TOP2B: variants seen among roughly 807,000 people sequenced by gnomAD.
TOP2B encodes the protein DNA topoisomerase II beta, also known as DNA topoisomerase 2-beta.
A neutral mutation model predicts 193.5 loss-of-function variants in TOP2B; 51 were observed. The observed-to-expected ratio is 0.26, with a 90% CI of 0.21 to 0.33. The LOEUF is 0.33. Among genes scored for constraint, TOP2B ranks in the 10% least tolerant of loss-of-function variants. TOP2B has a pLI of 1.00. For synonymous variants in TOP2B, 634 were observed against 635.7 expected (o/e 1.00, Z 0.04); for missense variants, 1,378 against 1,909.3 (o/e 0.72, Z 5.19).
In TOP2B at chr3:25,599,532, T is replaced by TA; in HGVS notation, c.4616-4dup. On this transcript the variant is annotated splice_region_variant and splice_polypyrimidine_tract_variant and intron_variant, in intron 34 of 35. Transcript: ENST00000264331. ...TTTCTTTGCCCCTCGGCCTTTACCT[T>TA]AAAATGATACAAAAGGTTTTTTCTT... is the stretch of plus-strand genomic sequence containing the variant. 1 of 1,609,764 alleles carries TA rather than the reference T, an allele frequency of 6.2e-7. No individual in the cohort carries two copies. Among genetic ancestry groups the TA allele is most frequent in the Non-Finnish European group, 8.5e-7 (1 of 1,177,802 alleles).
At chr3:25,645,794 C>CT (rs1282901181) in intron 1 of TOP2B, among the ~76,000 whole-genome samples, 1 of 152,144 alleles carries the variant, frequency 6.6e-6, no homozygotes, top group African/African-American at 2.4e-5. Flanking sequence ...GAGTCTTGCT[C>CT]TGTCACCCAG....
At chr3:25,613,631 G>A (rs1241079008) in intron 27 of TOP2B, among the ~76,000 whole-genome samples, 1 of 152,056 alleles carries the variant, frequency 6.6e-6, no homozygotes, top group Non-Finnish European at 1.5e-5. Flanking sequence ...AGGAGACTAA[G>A]GTAGGAGGAC....
rs185438277 is a variant in TOP2B, at chr3:25,617,384, C to T, written c.3351+1034G>A. Among the ~76,000 whole-genome samples, 57 of 152,238 alleles carry T rather than the reference C, an allele frequency of 3.7e-4. 1 individual carries two copies. The East Asian group carries it at 0.011, about 29-fold the overall frequency. ...CGCCCATCTTGTCCTACCGAATTTTCTTCAAATAATGAATAAGCCTATTAT... is the reference window on the plus strand; with the variant it reads ...CGCCCATCTTGTCCTACCGAATTTTTTTCAAATAATGAATAAGCCTATTAT... On this transcript the variant is annotated intron_variant, in intron 25 of 35. Transcript: ENST00000264331.
intron 23 of TOP2B, 122 bp from the exon 24 acceptor site, chr3:25,618,971 G>C: frequency 1.5e-6 from 1 of 651,778 alleles, no homozygotes; most frequent in Non-Finnish European, 2.4e-6. Flanking sequence ...TGTGAACACA[G>C]ACTACCCCTA....
At chr3:25,659,929 T>C (rs750535012) in intron 1 of TOP2B, among the ~76,000 whole-genome samples, 6 of 152,212 alleles carry the variant, frequency 3.9e-5, no homozygotes, top group Non-Finnish European at 7.4e-5. Context: ...TCTAAACCCG[T>C]TTCCTTCTCT....
chr3:25,662,566 G>A (rs1444559315), intron 1 of TOP2B, among the ~76,000 whole-genome samples: 1 of 151,948 alleles, frequency 6.6e-6, no homozygotes, highest in Non-Finnish European at 1.5e-5. Flanking sequence ...TAATCAATAA[G>A]TCAATTTCAG....
At chr3:25,652,320 T>C (rs913818104) in intron 1 of TOP2B, among the ~76,000 whole-genome samples, 8 of 152,084 alleles carry the variant, frequency 5.3e-5, no homozygotes, top group African/African-American at 1.7e-4. Flanking sequence ...TATAGACCAA[T>C]TGGACCTAAC....
chr3:25,633,727 T>C lies in TOP2B; in HGVS notation c.1026+114A>G, dbSNP rs1456618352. On this transcript the variant is annotated intron_variant, in intron 8 of 35. Transcript: ENST00000264331. ...TTGTTTTCATAAGTCAATTCTTATTTAACAAAAACAGATTTGGGTTTTTTG... is the reference window on the plus strand; with the variant it reads ...TTGTTTTCATAAGTCAATTCTTATTCAACAAAAACAGATTTGGGTTTTTTG... 3.5e-6 allele frequency: 3 copies of C among 864,750 alleles called. No homozygotes were observed. The East Asian group carries it at 8.4e-5, about 24-fold the overall frequency. 53.6% of individuals were successfully genotyped at this position (864,750 alleles called of 1,614,324 possible).
chr3:25,606,027 G>A lies in TOP2B; in HGVS notation c.4378+16C>T, dbSNP rs530703840. The A allele has an allele frequency of 7.2e-7, 1 of 1,391,524 alleles. No homozygotes were observed. The allele number at this position is 1,391,524 out of a possible 1,614,324, so 86.2% of individuals were successfully genotyped here. A position where few individuals can be genotyped will look rare whatever the true frequency, so the allele number is the denominator to read the frequency against. The stretch of plus-strand genomic sequence containing the variant: ...GCAATAATACAATAACCAATGAAAA[G>A]ACTAAATGAACATACCATCTTCTGA... On this transcript the variant is annotated intron_variant, in intron 32 of 35. Coordinates refer to ENST00000264331, the MANE Select transcript of TOP2B (RefSeq NM_001330700.2).
At chr3:25,609,847 C>G in intron 28 of TOP2B, 135 bp from the exon 29 acceptor site, 1 of 796,138 alleles carries the variant, frequency 1.3e-6, no homozygotes, top group African/African-American at 1.8e-5. Context: ...GTCCTAACAG[C>G]TGACTTTGAT....
In TOP2B at chr3:25,643,676, T is replaced by A. The variant is rs769904992; in HGVS notation, c.331+18A>T. 6.3e-7 allele frequency: 1 copy of A among 1,584,760 alleles called. No individual in the cohort carries two copies. The highest frequency in any genetic ancestry group is 1.7e-5 in the Admixed American group (1 of 59,860). On this transcript the variant is annotated intron_variant, in intron 3 of 35. Transcript: ENST00000264331. ...GATATTAATAGAAACATGCATTAAATCCTAAGCAAGTACTCACCCAAAATT... is the reference window on the plus strand; with the variant it reads ...GATATTAATAGAAACATGCATTAAAACCTAAGCAAGTACTCACCCAAAATT...
At chr3:25,605,200 G>A (rs954728108) in intron 32 of TOP2B, among the ~76,000 whole-genome samples, 18 of 152,046 alleles carry the variant, frequency 1.2e-4, no homozygotes, top group Non-Finnish European at 2.9e-5. Flanking sequence ...ATGTCCCACT[G>A]TATTATTTTA....
At chr3:25,624,179 C>T in intron 20 of TOP2B, 118 bp downstream of exon 20, 1 of 1,245,728 alleles carries the variant, frequency 8.0e-7, no homozygotes, top group African/African-American at 1.5e-5. Context: ...GAACATTCAC[C>T]TTCTAAGTAG....
At chr3:25,600,715 A>G (rs1466333714) in intron 34 of TOP2B, among the ~76,000 whole-genome samples, 1 of 152,200 alleles carries the variant, frequency 6.6e-6, no homozygotes, top group Non-Finnish European at 1.5e-5. Flanking sequence ...GTTATTTCTT[A>G]GGTGAGAAAA....
Position 25,645,423 on chromosome 3 carries a change from A to C in TOP2B, c.117T>G (p.Thr39=), listed in dbSNP as rs1340061732. Reference sequence around the variant, plus strand: ...TCTTTGAAGAATCATTTTTGTTGGCAGTTTCTGACTCTTCTTTTTTTGCAG... The same window carrying C: ...TCTTTGAAGAATCATTTTTGTTGGCCGTTTCTGACTCTTCTTTTTTTGCAG... ...NNAAKKEESE[T]ANKNDSSKKL... Residue 39 remains threonine, a synonymous_variant, in exon 2 of 36, where the codon ACT becomes ACG. Transcript: ENST00000264331. The C allele has an allele frequency of 1.1e-5, 17 of 1,613,586 alleles. No individual in the cohort carries two copies. Among genetic ancestry groups the C allele is most frequent in the Non-Finnish European group, 1.4e-5 (17 of 1,179,790 alleles).
intron 13 of TOP2B, 139 bp downstream of exon 13, chr3:25,629,890 C>T (rs948334177): frequency 1.0e-5 from 9 of 860,024 alleles, no homozygotes; most frequent in Admixed American, 3.2e-5. Flanking sequence ...CACTAAATGA[C>T]GTGGTTTTTT....
At chr3:25,623,394 G>C (rs1401582398) in intron 21 of TOP2B, 121 bp downstream of exon 21, 17 of 842,960 alleles carry the variant, frequency 2.0e-5, no homozygotes, top group Non-Finnish European at 3.2e-5. Context: ...ACCCTAATTA[G>C]GTCTTTACGG....
At position 25,619,860 on chromosome 3, in the gene TOP2B, A is replaced by T; in HGVS notation, c.3063+2T>A. The stretch of plus-strand genomic sequence containing the variant: ...AAATTAACAGTAAATCTAATAAATT[A>T]CCATGGAATTACAAGTAAGAGTAGT... On this transcript the variant is annotated splice_donor_variant, in intron 23 of 35. Transcript: ENST00000264331. LOFTEE classifies it high-confidence loss of function. 1 of 1,578,674 alleles carries T rather than the reference A, an allele frequency of 6.3e-7. No individual in the cohort carries two copies. Among genetic ancestry groups the T allele is most frequent in the Non-Finnish European group, 8.7e-7 (1 of 1,148,474 alleles).
chr3:25,628,172 A>T (rs1029059848), intron 15 of TOP2B, among the ~76,000 whole-genome samples: 77 of 60,534 alleles, frequency 1.3e-3, no homozygotes, highest in African/African-American at 4.4e-3. Context: ...AACATTATTT[A>T]AAAAAAAAAA....
Sources: allele counts gnomAD v4.1 joint callset (sites outside exome capture counted in the v4.1 genomes callset), GRCh38; gene constraint gnomAD v4.1.1; transcripts MANE v1.5; gene names NCBI Gene and HGNC (gene_info 2026-07-23, HGNC 2026-07-21).